SYN3: variants seen among roughly 807,000 people sequenced by gnomAD.
The protein encoded by SYN3 is synapsin-3.
Under a neutral mutation model 65.8 loss-of-function variants are expected in SYN3, and 35 were observed. That is an observed-to-expected ratio of 0.53 (90% confidence interval 0.41 to 0.70). The LOEUF is 0.70. SYN3 is among the 30% of genes least tolerant of loss of function. SYN3 has a pLI of 0.00. For missense variants in SYN3, 680 were observed against 749.0 expected (o/e 0.91, Z 1.08); for synonymous variants, 270 against 292.9 (o/e 0.92, Z 0.80).
At chr22:32,594,797 C>T (rs1285335645) in intron 7 of SYN3, among the ~76,000 whole-genome samples, 2 of 152,116 alleles carry the variant, frequency 1.3e-5, no homozygotes, top group African/African-American at 4.8e-5. Context: ...TGACCCATTC[C>T]TTTTTAGGCT....
At chr22:32,943,690 A>G in intron 3 of SYN3, among the ~76,000 whole-genome samples, 1 of 152,218 alleles carries the variant, frequency 6.6e-6, no homozygotes, top group South Asian at 2.1e-4. Flanking sequence ...AGTGTGCTGT[A>G]TTCAGTAGAC....
intron 4 of SYN3, among the ~76,000 whole-genome samples, chr22:32,890,072 C>CTTTTTTTTTTTTTTTTT: frequency 1.7e-5 from 1 of 58,282 alleles, no homozygotes; most frequent in Non-Finnish European, 3.1e-5. Context: ...GATTTAGCTG[C>CTTTTTTTTTTTTTTTTT]TTTTTTTTTT....
chr22:32,968,401 T>C (rs1461132866), intron 3 of SYN3, among the ~76,000 whole-genome samples: 2 of 152,212 alleles, frequency 1.3e-5, no homozygotes, highest in East Asian at 3.8e-4. Flanking sequence ...GCGAATCTTC[T>C]AAGACCACTG....
intron 7 of SYN3, among the ~76,000 whole-genome samples, chr22:32,575,966 T>C (rs1328152917): frequency 4.6e-5 from 7 of 151,710 alleles, no homozygotes; most frequent in Non-Finnish European, 8.8e-5. Flanking sequence ...CAGATGTGAG[T>C]ACATTGAGAT....
intron 6 of SYN3, chr22:32,862,017 A>T (rs1286403246): frequency 6.6e-6 from 1 of 152,628 alleles, no homozygotes; most frequent in Non-Finnish European, 1.5e-5. Context: ...AGACTGGTGA[A>T]TTGGGGGAAA....
chr22:32,570,001 T>G (rs979943724), intron 7 of SYN3, among the ~76,000 whole-genome samples: 5 of 152,202 alleles, frequency 3.3e-5, no homozygotes, highest in Non-Finnish European at 7.3e-5. Context: ...ATGGCTTACG[T>G]TTTCTGGGCA....
At chr22:32,710,369 G>A (rs1008136598) in intron 6 of SYN3, among the ~76,000 whole-genome samples, 2 of 151,744 alleles carry the variant, frequency 1.3e-5, no homozygotes, top group Non-Finnish European at 2.9e-5. Context: ...GGTGGCTCAT[G>A]CCTGTAATTC....
chr22:32,820,937 G>A (rs2047229136), intron 6 of SYN3, among the ~76,000 whole-genome samples: 1 of 152,170 alleles, frequency 6.6e-6, no homozygotes, highest in African/African-American at 2.4e-5. Context: ...AAAGGGTAGG[G>A]AGAGACATGT....
intron 6 of SYN3, among the ~76,000 whole-genome samples, chr22:32,603,656 C>T (rs2059320434): frequency 6.6e-6 from 1 of 152,230 alleles, no homozygotes; most frequent in Non-Finnish European, 1.5e-5. Context: ...GTGTCGAAGG[C>T]CATTCCCACT....
At chr22:32,734,307 G>A (rs942865427) in intron 6 of SYN3, among the ~76,000 whole-genome samples, 2 of 152,194 alleles carry the variant, frequency 1.3e-5, no homozygotes, top group Admixed American at 6.5e-5. Flanking sequence ...AACCTTATCC[G>A]CTCTATCATC....
At chr22:32,855,634 G>C (rs1036871422) in intron 6 of SYN3, among the ~76,000 whole-genome samples, 1 of 152,164 alleles carries the variant, frequency 6.6e-6, no homozygotes, top group Admixed American at 6.5e-5. Flanking sequence ...TATTAAAGGA[G>C]ATTTCTCAAC....
intron 2 of SYN3, among the ~76,000 whole-genome samples, chr22:33,001,682 G>A (rs1327775716): frequency 1.3e-5 from 2 of 152,134 alleles, no homozygotes; most frequent in African/African-American, 4.8e-5. Flanking sequence ...TGTCTACCAG[G>A]CACATCCCAT....
intron 6 of SYN3, among the ~76,000 whole-genome samples, chr22:32,625,418 C>T (rs1180898924): frequency 6.6e-6 from 1 of 152,216 alleles, no homozygotes; most frequent in African/African-American, 2.4e-5. Context: ...CCAACCACCC[C>T]TTTCTCCCAG....
chr22:32,555,162 G>A (rs1165435806), intron 7 of SYN3, among the ~76,000 whole-genome samples: 1 of 152,084 alleles, frequency 6.6e-6, no homozygotes, highest in East Asian at 1.9e-4. Context: ...TCTAGGCCGA[G>A]GAAAAAAGGA....
chr22:32,730,704 T>G (rs2061258620), intron 6 of SYN3, among the ~76,000 whole-genome samples: 1 of 152,124 alleles, frequency 6.6e-6, no homozygotes, highest in African/African-American at 2.4e-5. Context: ...AATAAGTGGG[T>G]GTTGTCTTGC....
At chr22:33,040,137 G>A (rs922514729) in intron 1 of SYN3, among the ~76,000 whole-genome samples, 3 of 112,190 alleles carry the variant, frequency 2.7e-5, no homozygotes, top group Non-Finnish European at 4.7e-5. Flanking sequence ...AATTTTTTTT[G>A]TATTTTTAAT....
intron 7 of SYN3, among the ~76,000 whole-genome samples, chr22:32,551,854 G>A (rs1237401372): frequency 1.3e-5 from 2 of 152,200 alleles, no homozygotes; most frequent in Non-Finnish European, 2.9e-5. Context: ...CAATTGCCAA[G>A]GACTTGGGGG....
intron 6 of SYN3, chr22:32,802,255 G>A: frequency 7.5e-7 from 1 of 1,331,832 alleles, no homozygotes; most frequent in Non-Finnish European, 1.0e-6. Context: ...GCGGAGTGGA[G>A]AAACTCGATG....
chr22:32,998,181 T>C (rs758012541), intron 2 of SYN3, among the ~76,000 whole-genome samples: 1 of 152,280 alleles, frequency 6.6e-6, no homozygotes, highest in East Asian at 1.9e-4. Context: ...GTTCTAGGCA[T>C]GGGCAAATAC....
Sources: allele counts gnomAD v4.1 joint callset (sites outside exome capture counted in the v4.1 genomes callset), GRCh38; gene constraint gnomAD v4.1.1; transcripts MANE v1.5; gene names NCBI Gene and HGNC (gene_info 2026-07-23, HGNC 2026-07-21).